Variants in PDE4B observed in about 807,000 individuals in gnomAD.
PDE4B encodes the protein 3',5'-cyclic-AMP phosphodiesterase 4B.
In PDE4B, 20 loss-of-function variants were observed where a neutral mutation model predicts 82.2. The observed-to-expected ratio is 0.24, with a 90% CI of 0.17 to 0.35. The LOEUF is 0.35. PDE4B is among the 10% of genes least tolerant of loss of function. PDE4B has a pLI of 1.00. For synonymous variants in PDE4B, 320 were observed against 318.9 expected (o/e 1.00, Z -0.04); for missense variants, 655 against 907.2 (o/e 0.72, Z 3.57).
intron 16 of PDE4B, among the ~76,000 whole-genome samples, chr1:66,371,094 CTATATATATATA>C (rs557320202): frequency 0.03 from 2,244 of 74,818 alleles, 64 homozygotes; most frequent in African/African-American, 0.054. Flanking sequence ...ACACATCATA[CTATATATATATA>C]TATATATATA....
intron 3 of PDE4B, among the ~76,000 whole-genome samples, chr1:66,025,945 T>A (rs967902510): frequency 6.6e-6 from 1 of 152,226 alleles, no homozygotes; most frequent in Non-Finnish European, 1.5e-5. Flanking sequence ...AGTTTCAATT[T>A]TGAAGAATCT....
chr1:66,274,329 T>G (rs1255886066), intron 7 of PDE4B, among the ~76,000 whole-genome samples: 4 of 32,884 alleles, frequency 1.2e-4, no homozygotes. Context: ...CCCAGCTAAT[T>G]TTTTTTTTTT....
chr1:66,362,956 C>G (rs1322338417), intron 10 of PDE4B, among the ~76,000 whole-genome samples: 1 of 152,148 alleles, frequency 6.6e-6, no homozygotes, highest in Non-Finnish European at 1.5e-5. Flanking sequence ...TTTCCCTTTT[C>G]AGAATAAAAA....
At chr1:66,311,693 A>G (rs1658681990) in intron 7 of PDE4B, among the ~76,000 whole-genome samples, 1 of 152,232 alleles carries the variant, frequency 6.6e-6, no homozygotes, top group South Asian at 2.1e-4. Flanking sequence ...GCTCAAGTTC[A>G]TCTTTGGAAT....
intron 3 of PDE4B, among the ~76,000 whole-genome samples, chr1:66,169,013 G>A (rs1646789066): frequency 6.6e-6 from 1 of 152,160 alleles, no homozygotes; most frequent in Non-Finnish European, 1.5e-5. Flanking sequence ...GCATCCAGAA[G>A]GAAGATAAAT....
At chr1:66,281,966 C>T (rs1461411244) in intron 7 of PDE4B, among the ~76,000 whole-genome samples, 2 of 152,200 alleles carry the variant, frequency 1.3e-5, no homozygotes, top group African/African-American at 4.8e-5. Flanking sequence ...GATGTGAACA[C>T]TGCCTTGTTT....
At chr1:65,809,609 T>C (rs1267533324) in intron 1 of PDE4B, among the ~76,000 whole-genome samples, 1 of 152,210 alleles carries the variant, frequency 6.6e-6, no homozygotes, top group Non-Finnish European at 1.5e-5. Flanking sequence ...GGAAATTATC[T>C]TAAGTACATG....
At chr1:65,839,725 T>C (rs2101338363) in intron 1 of PDE4B, among the ~76,000 whole-genome samples, 1 of 152,346 alleles carries the variant, frequency 6.6e-6, no homozygotes, top group Non-Finnish European at 1.5e-5. Flanking sequence ...AGTGCTACAA[T>C]AAATATATGT....
chr1:66,226,807 T>G (rs1651489749), intron 3 of PDE4B, among the ~76,000 whole-genome samples: 1 of 152,202 alleles, frequency 6.6e-6, no homozygotes, highest in Non-Finnish European at 1.5e-5. Flanking sequence ...GTTTTTAAAG[T>G]TTACTCTGAT....
intron 4 of PDE4B, among the ~76,000 whole-genome samples, 191 bp downstream of exon 4, chr1:66,247,845 G>T (rs1439990418): frequency 6.6e-6 from 1 of 152,144 alleles, no homozygotes; most frequent in Non-Finnish European, 1.5e-5. Flanking sequence ...TGTAGCTGGG[G>T]TCTCCAAGGG....
At chr1:66,061,664 A>G (rs988458025) in intron 3 of PDE4B, among the ~76,000 whole-genome samples, 1 of 152,172 alleles carries the variant, frequency 6.6e-6, no homozygotes, top group African/African-American at 2.4e-5. Flanking sequence ...ATACCAAAGG[A>G]AATCATGAGC....
intron 3 of PDE4B, among the ~76,000 whole-genome samples, chr1:66,186,154 G>A (rs1259057364): frequency 1.3e-5 from 2 of 152,070 alleles, no homozygotes; most frequent in Non-Finnish European, 2.9e-5. Context: ...TTAGATATGC[G>A]GCATTATTTC....
intron 7 of PDE4B, among the ~76,000 whole-genome samples, chr1:66,303,166 T>G (rs1475044099): frequency 6.6e-6 from 1 of 152,156 alleles, no homozygotes; most frequent in Non-Finnish European, 1.5e-5. Flanking sequence ...GATAAACATT[T>G]CTTGAGAAAA....
chr1:66,088,052 G>A (rs557303110), intron 3 of PDE4B, among the ~76,000 whole-genome samples: 5 of 151,990 alleles, frequency 3.3e-5, no homozygotes, highest in South Asian at 4.2e-4. Flanking sequence ...AAAAGTTTAC[G>A]GCAATAATTC....
At chr1:65,890,167 C>G (rs950534427) in intron 1 of PDE4B, among the ~76,000 whole-genome samples, 6 of 146,750 alleles carry the variant, frequency 4.1e-5, no homozygotes, top group African/African-American at 9.8e-5. Flanking sequence ...CAAAATCTAG[C>G]ATTATCTTTG....
chr1:65,883,946 T>C (rs1278287484), intron 1 of PDE4B, among the ~76,000 whole-genome samples: 3 of 152,228 alleles, frequency 2.0e-5, no homozygotes, highest in African/African-American at 7.2e-5. Flanking sequence ...TCTGTTTATA[T>C]GCTGGATTAC....
chr1:66,250,161 C>A (rs17128661), intron 4 of PDE4B, among the ~76,000 whole-genome samples: 1 of 152,084 alleles, frequency 6.6e-6, no homozygotes, highest in African/African-American at 2.4e-5. Flanking sequence ...TAAGATGAAT[C>A]GAAACAGAGG....
intron 3 of PDE4B, among the ~76,000 whole-genome samples, chr1:66,109,474 A>C (rs1189912381): frequency 1.7e-5 from 1 of 58,978 alleles, no homozygotes; most frequent in African/African-American, 3.3e-5. Context: ...TTTGGAAAAC[A>C]ATTTAAAAAA....
intron 8 of PDE4B, among the ~76,000 whole-genome samples, chr1:66,336,186 G>A (rs1034040991): frequency 6.6e-6 from 1 of 152,184 alleles, no homozygotes; most frequent in Non-Finnish European, 1.5e-5. Context: ...GAGGATAGGA[G>A]GAATGGCGCA....
Sources: allele counts gnomAD v4.1 joint callset (sites outside exome capture counted in the v4.1 genomes callset), GRCh38; gene constraint gnomAD v4.1.1; transcripts MANE v1.5; gene names NCBI Gene and HGNC (gene_info 2026-07-23, HGNC 2026-07-21).